The following ERC1 variants were observed in gnomAD, a reference collection of about 807,000 sequenced individuals.
The protein encoded by ERC1 is ELKS/RAB6-interacting/CAST family member 1.
A neutral mutation model predicts 132.0 loss-of-function variants in ERC1; 56 were observed. The ratio of observed to expected loss-of-function variants is 0.42; its 90% CI spans 0.34 to 0.53. The LOEUF (loss-of-function observed/expected upper bound fraction) is 0.53. Ranked by LOEUF, ERC1 falls within the 20% of genes least tolerant of loss-of-function variation. ERC1 has a pLI of 0.03. For synonymous variants in ERC1, 478 were observed against 476.1 expected (o/e 1.00, Z -0.05); for missense variants, 1,202 against 1,349.9 (o/e 0.89, Z 1.72).
chr12:1,080,350 TACCTC>T (rs1166266827), intron 2 of ERC1, among the ~76,000 whole-genome samples: 3 of 152,248 alleles, frequency 2.0e-5, no homozygotes, highest in African/African-American at 7.2e-5. Flanking sequence ...CTGCTCTAGA[TACCTC>T]ATGTCAATGG....
chr12:1,427,326 A>T (rs2092671945), intron 17 of ERC1, among the ~76,000 whole-genome samples: 1 of 152,142 alleles, frequency 6.6e-6, no homozygotes, highest in Non-Finnish European at 1.5e-5. Flanking sequence ...AGGAAGTTGG[A>T]TTGGAGGAGA....
At chr12:1,174,698 A>T (rs543383034) in intron 8 of ERC1, among the ~76,000 whole-genome samples, 1 of 152,352 alleles carries the variant, frequency 6.6e-6, no homozygotes, top group African/African-American at 2.4e-5. Flanking sequence ...GGCTCATAAA[A>T]CAAATCTGTC....
chr12:1,021,184 G>T (rs2154145301), intron 1 of ERC1, among the ~76,000 whole-genome samples: 1 of 152,074 alleles, frequency 6.6e-6, no homozygotes, highest in South Asian at 2.1e-4. Context: ...CAAGTGATCT[G>T]CCTGTCTCAG....
At chr12:1,255,619 GC>G (rs2076749187) in intron 13 of ERC1, among the ~76,000 whole-genome samples, 2 of 88,968 alleles carry the variant, frequency 2.2e-5, no homozygotes, top group South Asian at 3.1e-4. Flanking sequence ...TTGCTTCCTG[GC>G]CTTTTTTTTT....
intron 15 of ERC1, among the ~76,000 whole-genome samples, chr12:1,341,580 A>G (rs1161267979): frequency 7.2e-6 from 1 of 138,884 alleles, no homozygotes; most frequent in East Asian, 2.4e-4. Flanking sequence ...CGAACACTGC[A>G]TGTTCTCACT....
intron 1 of ERC1, among the ~76,000 whole-genome samples, chr12:997,447 C>T (rs183588215): frequency 2.6e-5 from 4 of 152,286 alleles, no homozygotes; most frequent in Non-Finnish European, 4.4e-5. Flanking sequence ...TGTGAATTCA[C>T]AAGTTGAATA....
intron 12 of ERC1, chr12:1,204,451 TTCTA>T: frequency 6.6e-7 from 1 of 1,506,192 alleles, no homozygotes; most frequent in Non-Finnish European, 9.0e-7. Flanking sequence ...TATTAATTCT[TTCTA>T]ACTTTCTTTT....
At chr12:1,117,838 T>G (rs1471534120) in intron 7 of ERC1, among the ~76,000 whole-genome samples, 1 of 152,226 alleles carries the variant, frequency 6.6e-6, no homozygotes, top group African/African-American at 2.4e-5. Context: ...TTACTTTTAT[T>G]AAGCTAAACT....
chr12:1,348,580 T>A (rs2084702307), intron 15 of ERC1, among the ~76,000 whole-genome samples: 1 of 151,770 alleles, frequency 6.6e-6, no homozygotes, highest in Non-Finnish European at 1.5e-5. Flanking sequence ...ATAGTCCCAA[T>A]TACTCGGGAG....
intron 15 of ERC1, among the ~76,000 whole-genome samples, chr12:1,367,264 A>G (rs757366864): frequency 5.3e-5 from 8 of 152,216 alleles, no homozygotes; most frequent in African/African-American, 1.7e-4. Context: ...AAATTAAACT[A>G]TTCCTACATG....
intron 2 of ERC1, among the ~76,000 whole-genome samples, chr12:1,036,502 G>C (rs1190469430): frequency 6.6e-6 from 1 of 151,842 alleles, no homozygotes; most frequent in Non-Finnish European, 1.5e-5. Flanking sequence ...AGCCTCCTGA[G>C]TAGCTGGAAC....
chr12:1,067,810 CTATT>C (rs1472594092), intron 2 of ERC1, among the ~76,000 whole-genome samples: 4 of 151,672 alleles, frequency 2.6e-5, no homozygotes, highest in Non-Finnish European at 4.4e-5. Flanking sequence ...TGATAGTTCT[CTATT>C]TATCATGATC....
intron 18 of ERC1, among the ~76,000 whole-genome samples, chr12:1,484,119 CAT>C (rs2094153407): frequency 6.6e-6 from 1 of 151,670 alleles, no homozygotes; most frequent in South Asian, 2.1e-4. Context: ...TCCTGGCTAA[CAT>C]GGTGAAACCC....
chr12:1,240,375 C>G (rs1471081082), intron 13 of ERC1, among the ~76,000 whole-genome samples: 1 of 152,202 alleles, frequency 6.6e-6, no homozygotes, highest in East Asian at 1.9e-4. Context: ...GAAATTGTCC[C>G]TAATAAAATG....
chr12:1,230,748 A>G (rs1382748931), intron 12 of ERC1, among the ~76,000 whole-genome samples: 1 of 152,106 alleles, frequency 6.6e-6, no homozygotes, highest in East Asian at 1.9e-4. Flanking sequence ...TAGGTGCTCT[A>G]AGGTTGGATG....
intron 8 of ERC1, among the ~76,000 whole-genome samples, chr12:1,176,994 T>A (rs1256025238): frequency 2.0e-5 from 3 of 152,236 alleles, no homozygotes; most frequent in East Asian, 3.8e-4. Context: ...CAGCACTTGC[T>A]GCTTTACTTT....
At chr12:1,466,846 G>A (rs184589196) in intron 18 of ERC1, among the ~76,000 whole-genome samples, 12 of 152,236 alleles carry the variant, frequency 7.9e-5, no homozygotes, top group East Asian at 7.7e-4. Flanking sequence ...GGAATTTTCC[G>A]GAGATAAGAT....
At chr12:1,376,971 T>C (rs1267282475) in intron 16 of ERC1, among the ~76,000 whole-genome samples, 6 of 152,168 alleles carry the variant, frequency 3.9e-5, no homozygotes, top group Admixed American at 1.3e-4. Flanking sequence ...TGAGATGACA[T>C]CAGGTGATCC....
chr12:1,168,058 A>G (rs989033187), intron 8 of ERC1, among the ~76,000 whole-genome samples: 2 of 152,096 alleles, frequency 1.3e-5, no homozygotes, highest in African/African-American at 4.8e-5. Flanking sequence ...TAAGAAACTG[A>G]CATTTGGATT....
Sources: allele counts gnomAD v4.1 joint callset (sites outside exome capture counted in the v4.1 genomes callset), GRCh38; gene constraint gnomAD v4.1.1; transcripts MANE v1.5; gene names NCBI Gene and HGNC (gene_info 2026-07-23, HGNC 2026-07-21).